ABLIM1: variants seen among roughly 807,000 people sequenced by gnomAD.
ABLIM1 encodes the protein actin-binding LIM protein 1.
In ABLIM1, 40 loss-of-function variants were observed where a neutral mutation model predicts 107.0. The ratio of observed to expected loss-of-function variants is 0.37; its 90% CI spans 0.29 to 0.49. The LOEUF is 0.49. Ranked by LOEUF, ABLIM1 falls within the 20% of genes least tolerant of loss-of-function variation. The pLI is 0.97. For synonymous variants in ABLIM1, 357 were observed against 357.3 expected, an observed-to-expected ratio of 1.00 and a Z score of 0.01; for missense variants, 857 against 1,008.5, an observed-to-expected ratio of 0.85 and a Z score of 2.04.
intron 7 of ABLIM1, among the ~76,000 whole-genome samples, chr10:114,490,143 A>G (rs1007511362): frequency 7.2e-5 from 11 of 152,184 alleles, no homozygotes; most frequent in Non-Finnish European, 1.5e-4. Context: ...GAGAAATGCA[A>G]AGTGACACCT....
intron 1 of ABLIM1, among the ~76,000 whole-genome samples, chr10:114,628,478 G>A (rs1383884237): frequency 1.3e-5 from 2 of 152,178 alleles, no homozygotes; most frequent in African/African-American, 2.4e-5. Context: ...GTGGGTATGT[G>A]TATGTGTGCG....
chr10:114,511,848 A>T (rs2061922619), intron 6 of ABLIM1, among the ~76,000 whole-genome samples: 1 of 152,120 alleles, frequency 6.6e-6, no homozygotes, highest in South Asian at 2.1e-4. Flanking sequence ...AGCTGTTCGG[A>T]GCATCATTAA....
At chr10:114,484,815 A>G (rs1244489837) in intron 8 of ABLIM1, among the ~76,000 whole-genome samples, 2 of 152,304 alleles carry the variant, frequency 1.3e-5, no homozygotes, top group African/African-American at 4.8e-5. Flanking sequence ...CCAGCCTCCA[A>G]AAATCAACTC....
At chr10:114,562,043 T>A (rs2069786801) in intron 4 of ABLIM1, among the ~76,000 whole-genome samples, 1 of 152,232 alleles carries the variant, frequency 6.6e-6, no homozygotes, top group Admixed American at 6.5e-5. Context: ...AACCTTTGGC[T>A]ACTATGTAAG....
intron 8 of ABLIM1, among the ~76,000 whole-genome samples, chr10:114,486,704 A>C (rs2058240295): frequency 6.8e-6 from 1 of 147,636 alleles, no homozygotes; most frequent in Non-Finnish European, 1.5e-5. Flanking sequence ...TATTCAGAGA[A>C]AAAGTGTTTT....
upstream of ABLIM1, chr10:114,768,149 G>A: frequency 3.1e-6 from 1 of 321,976 alleles, no homozygotes; most frequent in East Asian, 1.5e-4. Context: ...CAGCCCCGGA[G>A]CGCCCGCCCG....
intron 1 of ABLIM1, among the ~76,000 whole-genome samples, chr10:114,696,233 C>T (rs1252649888): frequency 6.6e-6 from 1 of 152,206 alleles, no homozygotes; most frequent in Non-Finnish European, 1.5e-5. Context: ...AGCAGGATTT[C>T]TTGGCTAAAA....
chr10:114,769,523 AG>A (rs1267503604), upstream of ABLIM1, among the ~76,000 whole-genome samples: 2 of 150,306 alleles, frequency 1.3e-5, no homozygotes, highest in Non-Finnish European at 1.5e-5. Context: ...AAGGAAGGGA[AG>A]GAGAAAAGAA....
At chr10:114,622,094 ATG>A (rs2077501146) in intron 1 of ABLIM1, among the ~76,000 whole-genome samples, 1 of 151,876 alleles carries the variant, frequency 6.6e-6, no homozygotes, top group Non-Finnish European at 1.5e-5. Context: ...CACCTAGCTC[ATG>A]TGTCACTATG....
chr10:114,491,838 C>T lies in ABLIM1; in HGVS notation c.935G>A (p.Ser312Asn). ...TTCTGTGAACATCTGGTTGCATCTG[C>T]TGCATCGTGCACAGCTGGGGTGGTA... The part of the protein sequence containing the change: ...KHYHPSCARC[S>N]RCNQMFTEGE... The change falls in exon 7 of 23, where the codon AGC becomes AAC. Residue 312 changes from serine to asparagine, a missense_variant. Around this residue, in one of 5 missense-constraint regions of ABLIM1, gnomAD observed 381 missense variants for 506.9 expected, o/e 0.75. Transcript: ENST00000533213. The T allele has an allele frequency of 2.5e-6, 4 of 1,612,608 alleles. No individual in the cohort carries two copies. Among genetic ancestry groups the T allele is most frequent in the Non-Finnish European group, 3.4e-6 (4 of 1,178,802 alleles).
chr10:114,768,349 G>A (rs1429478204), upstream of ABLIM1, among the ~76,000 whole-genome samples: 1 of 149,222 alleles, frequency 6.7e-6, no homozygotes, highest in Non-Finnish European at 1.5e-5. Context: ...GGGCCCACCC[G>A]GGTCCAGCAG....
chr10:114,462,930 G>C (rs1475340478), intron 12 of ABLIM1: 1 of 1,159,142 alleles, frequency 8.6e-7, no homozygotes, highest in African/African-American at 1.6e-5. Flanking sequence ...ACGCAGGCAT[G>C]CTGAGAGCTC....
chr10:114,533,662 T>TTGTTG (rs1555159555), intron 6 of ABLIM1, among the ~76,000 whole-genome samples: 3 of 151,932 alleles, frequency 2.0e-5, no homozygotes, highest in Admixed American at 6.5e-5. Flanking sequence ...TTATCGTGTT[T>TTGTTG]TTGTTGTTGT....
intron 8 of ABLIM1, among the ~76,000 whole-genome samples, chr10:114,477,113 T>G (rs2056568963): frequency 6.6e-6 from 1 of 152,108 alleles, no homozygotes; most frequent in South Asian, 2.1e-4. Flanking sequence ...ACTCAGACAC[T>G]CTAGGTCCAC....
intron 1 of ABLIM1, among the ~76,000 whole-genome samples, chr10:114,744,113 A>G (rs75971898): frequency 0.057 from 8,658 of 152,296 alleles, 389 homozygotes; most frequent in African/African-American, 0.12. Flanking sequence ...TTGGTGTTAT[A>G]TCACAGGCCT....
At chr10:114,551,450 C>CA (rs1377509109) in intron 4 of ABLIM1, among the ~76,000 whole-genome samples, 1 of 152,236 alleles carries the variant, frequency 6.6e-6, no homozygotes, top group Non-Finnish European at 1.5e-5. Flanking sequence ...CACGGCCAAT[C>CA]AGAGGCTGAA....
chr10:114,458,342 C>T (rs1382328905), intron 12 of ABLIM1, among the ~76,000 whole-genome samples: 2 of 152,128 alleles, frequency 1.3e-5, no homozygotes, highest in African/African-American at 4.8e-5. Context: ...GGGGAGCATT[C>T]ACTCACAGGA....
At chr10:114,673,680 T>C (rs2080355815) in intron 1 of ABLIM1, among the ~76,000 whole-genome samples, 1 of 152,250 alleles carries the variant, frequency 6.6e-6, no homozygotes, top group South Asian at 2.1e-4. Flanking sequence ...TATTATCCTA[T>C]ATATTTTCTC....
At chr10:114,751,565 C>T (rs1377638538) in intron 1 of ABLIM1, among the ~76,000 whole-genome samples, 1 of 151,902 alleles carries the variant, frequency 6.6e-6, no homozygotes, top group Non-Finnish European at 1.5e-5. Flanking sequence ...TCCTGGCCAA[C>T]ATGGTGAAAC....
Sources: gnomAD v4.1 joint callset for allele counts (sites outside exome capture counted in the v4.1 genomes callset) on GRCh38, gnomAD v4.1.1 for gene constraint, gnomAD v4.1.1 regional missense constraint, MANE v1.5 for transcripts, NCBI Gene and HGNC (gene_info 2026-07-23, HGNC 2026-07-21) for gene names.